The following FAM53A variants were observed in gnomAD, a reference collection of about 807,000 sequenced individuals.
The protein encoded by FAM53A is family with sequence similarity 53 member A, also known as protein FAM53A.
A neutral mutation model predicts 26.6 loss-of-function variants in FAM53A; 28 were observed. The observed-to-expected ratio is 1.05, with a 90% CI of 0.78 to 1.45. FAM53A has a LOEUF of 1.45. Ranked by LOEUF, FAM53A falls within the 40% of genes most tolerant of loss-of-function variation. FAM53A has a pLI of 0.00. For synonymous variants in FAM53A, 290 were observed against 253.1 expected (o/e 1.15, Z -1.38); for missense variants, 650 against 575.8 (o/e 1.13, Z -1.32).
chr4:1,667,192 G>A (rs1045720749), intron 2 of FAM53A, among the ~76,000 whole-genome samples: 19 of 151,704 alleles, frequency 1.3e-4, no homozygotes, highest in African/African-American at 2.4e-4. Context: ...TTAGCTACTC[G>A]GGAGGCTGAG....
chr4:1,637,570 A>C (rs1715900986), downstream of FAM53A, among the ~76,000 whole-genome samples: 1 of 151,900 alleles, frequency 6.6e-6, no homozygotes, highest in Non-Finnish European at 1.5e-5. Flanking sequence ...GGAGCCCTCC[A>C]CAGGGACAGG....
the FAM53A span, among the ~76,000 whole-genome samples, chr4:1,590,993 T>C: frequency 7.5e-6 from 1 of 132,668 alleles, no homozygotes; most frequent in African/African-American, 3.0e-5. Context: ...TATATATATA[T>C]ATATATATAA....
rs779677490 is a variant in FAM53A, at chr4:1,655,150, G to A, written c.710C>T (p.Pro237Leu). 13 of 1,584,048 alleles carry A rather than the reference G, an allele frequency of 8.2e-6. No homozygotes were observed. In the South Asian group the frequency reaches 1.1e-4, roughly 14 times the overall value. Residue 237 changes from proline to leucine, a missense_variant, in exon 4 of 5, where the codon CCC becomes CTC. Transcript: ENST00000308132. ...ERLAGAGTPL[P>L]WASSSPTSTP... ...GGACGTGGGGCTGCTGCTGGCCCAG[G>A]GCAGGGGAGTGCCCGCACCCGCGAG...
In FAM53A at chr4:1,655,577, C is replaced by A. The variant is rs552629119; in HGVS notation, c.283G>T (p.Ala95Ser). The A allele has an allele frequency of 5.7e-6, 9 of 1,580,232 alleles. No individual in the cohort carries two copies. The highest frequency in any genetic ancestry group is 3.6e-5 in the Admixed American group (2 of 55,688). The change falls in exon 4 of 5, where the codon GCA becomes TCA. Residue 95 changes from alanine to serine, a missense_variant. Ala to Ser is a moderately conservative substitution (Grantham distance 99). Transcript: ENST00000308132. The part of the protein sequence containing the change: ...QWQPQSPRPG[A>S]GLGAASTVDP... The stretch of plus-strand genomic sequence containing the variant: ...ACGGTGCTGGCTGCACCCAGGCCTG[C>A]GCCTGGGCGCGGGGACTGTGGCTGC...
chr4:1,586,801 AG>A, the FAM53A span, among the ~76,000 whole-genome samples: 4 of 150,804 alleles, frequency 2.7e-5, no homozygotes, highest in Non-Finnish European at 4.4e-5. Flanking sequence ...AAAAAAAAGA[AG>A]AAGAAGTTGA....
chr4:1,633,523 G>C (rs576144777), intron 1 of FAM53A, among the ~76,000 whole-genome samples: 1 of 152,136 alleles, frequency 6.6e-6, no homozygotes, highest in East Asian at 1.9e-4. Flanking sequence ...CGACACAGGA[G>C]GGAAAAACAA....
At chr4:1,604,866 C>T in the FAM53A span, among the ~76,000 whole-genome samples, 1 of 152,184 alleles carries the variant, frequency 6.6e-6, no homozygotes, top group African/African-American at 2.4e-5. Context: ...TGCTCTGCCC[C>T]GCTCCCGCAG....
At chr4:1,591,375 C>T in the FAM53A span, among the ~76,000 whole-genome samples, 11 of 152,192 alleles carry the variant, frequency 7.2e-5, no homozygotes, top group African/African-American at 1.2e-4. Flanking sequence ...CTCTGCACTC[C>T]GGGACCTGTG....
downstream of FAM53A, among the ~76,000 whole-genome samples, chr4:1,637,008 C>T (rs778264377): frequency 4.6e-5 from 7 of 152,186 alleles, no homozygotes; most frequent in Middle Eastern, 3.2e-3. Flanking sequence ...GCGGCGAGCA[C>T]GAGAACAAGG....
the FAM53A span, among the ~76,000 whole-genome samples, chr4:1,611,285 G>A: frequency 6.6e-6 from 1 of 152,160 alleles, no homozygotes; most frequent in South Asian, 2.1e-4. Context: ...CTGTCCGTGG[G>A]CCCTGAGAGA....
chr4:1,667,928 G>A (rs140888474), intron 2 of FAM53A, among the ~76,000 whole-genome samples: 2 of 152,164 alleles, frequency 1.3e-5, no homozygotes, highest in South Asian at 4.1e-4. Flanking sequence ...ATGACTGTAG[G>A]AAAATCAAGC....
downstream of FAM53A, among the ~76,000 whole-genome samples, chr4:1,616,886 C>T (rs1234570607): frequency 2.0e-5 from 3 of 152,206 alleles, no homozygotes; most frequent in Non-Finnish European, 2.9e-5. Context: ...CCTGCAATCC[C>T]GGCACTCTGG....
chr4:1,600,167 G>A, the FAM53A span, among the ~76,000 whole-genome samples: 1 of 152,182 alleles, frequency 6.6e-6, no homozygotes, highest in Non-Finnish European at 1.5e-5. Context: ...GCCAAGCCCT[G>A]CTGCCGGTTT....
chr4:1,585,270 CTCTCTCTTTTT>C, the FAM53A span, among the ~76,000 whole-genome samples: 1 of 98,312 alleles, frequency 1.0e-5, no homozygotes, highest in Non-Finnish European at 2.3e-5. Context: ...CTCTCTCTCT[CTCTCTCTTTTT>C]TTTTTTTTTT....
the FAM53A span, among the ~76,000 whole-genome samples, chr4:1,591,488 A>G: frequency 6.6e-6 from 1 of 152,184 alleles, no homozygotes; most frequent in Non-Finnish European, 1.5e-5. Context: ...AGTGTTGGCC[A>G]TGGCATGGTA....
the FAM53A span, among the ~76,000 whole-genome samples, chr4:1,606,734 C>A: frequency 6.6e-6 from 1 of 152,212 alleles, no homozygotes; most frequent in Non-Finnish European, 1.5e-5. Context: ...CACGGATGGA[C>A]CCCTGTGTAG....
the FAM53A span, among the ~76,000 whole-genome samples, chr4:1,610,234 C>G: frequency 9.3e-3 from 1,409 of 152,054 alleles, 16 homozygotes; most frequent in African/African-American, 0.033. Context: ...ACACCCCACT[C>G]AACGCGCTGC....
the FAM53A span, among the ~76,000 whole-genome samples, chr4:1,579,178 C>G: frequency 9.3e-5 from 14 of 149,982 alleles, no homozygotes; most frequent in African/African-American, 3.2e-4. Context: ...GCCCCTGCCC[C>G]CCCTGCCCTC....
intron 1 of FAM53A, among the ~76,000 whole-genome samples, chr4:1,621,024 C>T (rs1026309265): frequency 2.6e-5 from 4 of 151,472 alleles, no homozygotes; most frequent in African/African-American, 7.3e-5. Flanking sequence ...CCAGCCATCA[C>T]GCCTCAGTTT....
Sources: gnomAD v4.1 joint callset for allele counts (sites outside exome capture counted in the v4.1 genomes callset) on GRCh38, gnomAD v4.1.1 for gene constraint, MANE v1.5 for transcripts, NCBI Gene and HGNC (gene_info 2026-07-23, HGNC 2026-07-21) for gene names.